Variants in TBCD observed in about 807,000 individuals in gnomAD.
TBCD encodes tubulin-specific chaperone D.
In TBCD, 105 loss-of-function variants were observed where a neutral mutation model predicts 169.3. The ratio of observed to expected loss-of-function variants is 0.62; its 90% confidence interval spans 0.53 to 0.73. The LOEUF is 0.73. Among genes scored for constraint, TBCD ranks in the 30% least tolerant of loss-of-function variants. The pLI is 0.00. For synonymous variants in TBCD, 700 were observed against 643.9 expected (o/e 1.09, Z -1.32); for missense variants, 1,444 against 1,600.1 (o/e 0.90, Z 1.66).
chr17:82,829,985 T>G (rs1415965762), intron 13 of TBCD: 4 of 1,222,208 alleles, frequency 3.3e-6, no homozygotes, highest in Non-Finnish European at 4.5e-6. Flanking sequence ...AAAAACTGAA[T>G]TGGAGGGTTT....
chr17:82,861,667 A>G (rs531897521), intron 13 of TBCD, among the ~76,000 whole-genome samples: 51 of 152,248 alleles, frequency 3.3e-4, no homozygotes, highest in South Asian at 1.5e-3. Context: ...TTCCCTCTAA[A>G]GATGTGGGAG....
At chr17:82,895,588 G>A (rs1362514609) in intron 17 of TBCD, among the ~76,000 whole-genome samples, 1 of 152,194 alleles carries the variant, frequency 6.6e-6, no homozygotes, top group Non-Finnish European at 1.5e-5. Flanking sequence ...GGGCTTGAGG[G>A]CTCTTGGGAG....
At chr17:82,892,426 C>T (rs1007463972) in intron 16 of TBCD, among the ~76,000 whole-genome samples, 1 of 152,124 alleles carries the variant, frequency 6.6e-6, no homozygotes, top group Non-Finnish European at 1.5e-5. Context: ...GCAGCAGCCT[C>T]AGGCAGAAGT....
Position 82,923,579 on chromosome 17 carries a change from A to T in TBCD, c.2179-73A>T. 3.1e-6 allele frequency: 4 copies of T among 1,269,888 alleles called. No homozygotes were observed. In the South Asian group the frequency reaches 5.2e-5, roughly 16 times the overall value. The allele number at this position is 1,269,888 out of a possible 1,614,324, so 78.7% of individuals were successfully genotyped here. On this transcript the variant is annotated intron_variant, in intron 25 of 38. Transcript: ENST00000355528. The surrounding 1 kb of genome is among the most constrained non-coding windows in gnomAD (Gnocchi z 4.6). Reference sequence around the variant, plus strand: ...CAGGTGCTTCTCCGACTTCAGAGTGACCTGCTCTGTCCCTGGCCGGGGGCT... The same window carrying T: ...CAGGTGCTTCTCCGACTTCAGAGTGTCCTGCTCTGTCCCTGGCCGGGGGCT...
intron 13 of TBCD, among the ~76,000 whole-genome samples, chr17:82,867,623 C>A (rs1357578572): frequency 6.6e-6 from 1 of 152,216 alleles, no homozygotes; most frequent in Non-Finnish European, 1.5e-5. Flanking sequence ...GCCTTTTGGG[C>A]GTCACAGATT....
At chr17:82,893,222 C>T (rs994204609) in intron 16 of TBCD, 12 of 347,056 alleles carry the variant, frequency 3.5e-5, no homozygotes, top group African/African-American at 2.5e-4. Context: ...ACTGTTGAGA[C>T]CTGAAGACCG....
At chr17:82,937,480 C>A (rs2062725540) in intron 35 of TBCD, 120 bp downstream of exon 35, 3 of 862,764 alleles carry the variant, frequency 3.5e-6, no homozygotes, top group Admixed American at 2.3e-5. Flanking sequence ...CTCAAGCTAA[C>A]CTAAGATCGT....
chr17:82,914,588 G>A (rs904610964), intron 23 of TBCD, among the ~76,000 whole-genome samples: 3 of 152,166 alleles, frequency 2.0e-5, no homozygotes, highest in Non-Finnish European at 4.4e-5. Flanking sequence ...ACCGTGGCGG[G>A]CGTGTCCCGT....
At chr17:82,809,912 C>G in intron 12 of TBCD, 130 bp downstream of exon 12, 1 of 770,156 alleles carries the variant, frequency 1.3e-6, no homozygotes, top group Non-Finnish European at 2.1e-6. Context: ...TTTTTTCCCC[C>G]TTTTGAAGTT....
chr17:82,920,736 A>C lies in TBCD; in HGVS notation c.2101+118A>C. 3.2e-6 allele frequency: 3 copies of C among 935,958 alleles called. No homozygotes were observed. Among genetic ancestry groups the C allele is most frequent in the Non-Finnish European group, 4.8e-6 (3 of 624,026 alleles). The allele number at this position is 935,958 out of a possible 1,614,324, so 58.0% of individuals were successfully genotyped here. On this transcript the variant is annotated intron_variant, in intron 24 of 38. Transcript: ENST00000355528. The surrounding 1 kb of genome is among the most constrained non-coding windows in gnomAD (Gnocchi z 4.1). ...CGATTATAGCTTAAAGGTTCAAGAT[A>C]TTAATCGGATACGTTGCCTTGAAGT...
chr17:82,756,366 C>T (rs916520948), intron 2 of TBCD, among the ~76,000 whole-genome samples, 151 bp downstream of exon 2: 1 of 152,140 alleles, frequency 6.6e-6, no homozygotes, highest in African/African-American at 2.4e-5. Context: ...TTTTAGCCGA[C>T]CTGTGATAGT....
intron 32 of TBCD, 135 bp downstream of exon 32, chr17:82,929,635 G>C: frequency 8.0e-7 from 1 of 1,251,084 alleles, no homozygotes; most frequent in South Asian, 1.3e-5. Context: ...TATTTGGTTA[G>C]GGGGTCAGGG....
chr17:82,875,239 T>C (rs1486586686), intron 14 of TBCD, among the ~76,000 whole-genome samples: 4 of 152,218 alleles, frequency 2.6e-5, no homozygotes, highest in African/African-American at 9.6e-5. Context: ...ATTTCCTCAG[T>C]GTCGCACACG....
chr17:82,837,669 A>C (rs1490451939), intron 13 of TBCD, among the ~76,000 whole-genome samples: 1 of 152,172 alleles, frequency 6.6e-6, no homozygotes, highest in Admixed American at 6.5e-5. Context: ...TCCTCCTCTC[A>C]TTTCCCACTG....
intron 29 of TBCD, 85 bp downstream of exon 29, chr17:82,927,408 G>C: frequency 1.0e-5 from 15 of 1,491,826 alleles, no homozygotes; most frequent in Non-Finnish European, 1.3e-5. Flanking sequence ...TTTTCTGCAG[G>C]GAGAAATCTT....
At chr17:82,924,760 ATTCTCT>A (rs527429810) in intron 26 of TBCD, among the ~76,000 whole-genome samples, 173 bp from the exon 27 acceptor site, 132 of 152,304 alleles carry the variant, frequency 8.7e-4, no homozygotes, top group Non-Finnish European at 1.7e-3. Context: ...CAAAAAAAAA[ATTCTCT>A]TTCTGATTCC....
chr17:82,802,591 C>G (rs1435594707), intron 9 of TBCD, among the ~76,000 whole-genome samples: 1 of 152,204 alleles, frequency 6.6e-6, no homozygotes, highest in Admixed American at 6.5e-5. Flanking sequence ...GGTGGAGACC[C>G]AGGAAGAGCT....
Position 82,909,419 on chromosome 17 carries a change from G to T in TBCD, c.2006+112G>T, listed in dbSNP as rs940593728. On this transcript the variant is annotated intron_variant, in intron 22 of 38. Coordinates refer to ENST00000355528, the MANE Select transcript of TBCD (RefSeq NM_005993.5). Reference sequence around the variant, plus strand: ...TCCCTCTCTGCCTATGTGTGTTTGGGTTGAGCGGGTGGGTGTCACCCGGCC... The same window carrying T: ...TCCCTCTCTGCCTATGTGTGTTTGGTTTGAGCGGGTGGGTGTCACCCGGCC... The T allele has an allele frequency of 2.4e-5, 20 of 818,432 alleles. No homozygotes were observed. The African/African-American group carries it at 3.3e-4, about 13-fold the overall frequency. The allele number at this position is 818,432 out of a possible 1,614,324, so 50.7% of individuals were successfully genotyped here. A position where few individuals can be genotyped will look rare whatever the true frequency, so the allele number is the denominator to read the frequency against.
intron 13 of TBCD, chr17:82,858,726 G>A: frequency 1.1e-6 from 1 of 908,358 alleles, no homozygotes; most frequent in African/African-American, 1.8e-5. Context: ...TCCTGTGGAT[G>A]GAAAATCGAC....
Sources: allele counts gnomAD v4.1 joint callset (sites outside exome capture counted in the v4.1 genomes callset), GRCh38; gene constraint gnomAD v4.1.1; non-coding constraint Gnocchi (gnomAD v3.1); transcripts MANE v1.5; gene names NCBI Gene and HGNC (gene_info 2026-07-23, HGNC 2026-07-21).